Variants in NTN4 observed in about 807,000 individuals in gnomAD.
The protein encoded by NTN4 is netrin 4.
Under a neutral mutation model 73.6 loss-of-function variants are expected in NTN4, and 32 were observed. The observed-to-expected ratio is 0.44, with a 90% CI of 0.33 to 0.58. The LOEUF is 0.58. Among genes scored for constraint, NTN4 ranks in the 20% least tolerant of loss-of-function variants. The pLI is 0.04. For synonymous variants in NTN4, 258 were observed against 287.5 expected, an observed-to-expected ratio of 0.90 and a Z score of 1.04; for missense variants, 654 against 798.3, an observed-to-expected ratio of 0.82 and a Z score of 2.18.
At chr12:95,784,347 G>A (rs2079152225) in intron 2 of NTN4, among the ~76,000 whole-genome samples, 1 of 152,196 alleles carries the variant, frequency 6.6e-6, no homozygotes, top group African/African-American at 2.4e-5. Flanking sequence ...ACTCAGGAGA[G>A]AAAGATTAGT....
intron 9 of NTN4, among the ~76,000 whole-genome samples, chr12:95,660,255 T>G (rs2078126771): frequency 6.6e-6 from 1 of 152,162 alleles, no homozygotes; most frequent in Non-Finnish European, 1.5e-5. Context: ...CCTCAGGTGA[T>G]CTGCCTGCCT....
chr12:95,668,141 G>A (rs551985538), intron 8 of NTN4, among the ~76,000 whole-genome samples: 2 of 142,752 alleles, frequency 1.4e-5, no homozygotes, highest in African/African-American at 2.8e-5. Flanking sequence ...AGTAAGTCAA[G>A]TGTTTTTTTT....
intron 3 of NTN4, among the ~76,000 whole-genome samples, chr12:95,716,796 T>A (rs879091890): frequency 1.3e-5 from 2 of 152,130 alleles, no homozygotes; most frequent in South Asian, 2.1e-4. Context: ...CTCCATTTTT[T>A]AATTTTACTT....
chr12:95,754,770 C>T (rs180847717), intron 2 of NTN4, among the ~76,000 whole-genome samples: 2 of 152,120 alleles, frequency 1.3e-5, no homozygotes, highest in Non-Finnish European at 2.9e-5. Flanking sequence ...AACGGCCCCA[C>T]CCCATCTCCC....
At chr12:95,769,475 G>A (rs1006939456) in intron 2 of NTN4, among the ~76,000 whole-genome samples, 14 of 151,026 alleles carry the variant, frequency 9.3e-5, no homozygotes, top group African/African-American at 2.7e-4. Flanking sequence ...AACGACTCGC[G>A]AGTTGGGCAG....
intron 7 of NTN4, among the ~76,000 whole-genome samples, chr12:95,680,900 T>C (rs969175592): frequency 2.0e-5 from 3 of 151,522 alleles, no homozygotes; most frequent in African/African-American, 7.3e-5. Context: ...TTTAAAAGAG[T>C]ATATAACGGC....
intron 2 of NTN4, among the ~76,000 whole-genome samples, chr12:95,770,072 C>A (rs894706398): frequency 6.6e-5 from 10 of 152,080 alleles, no homozygotes; most frequent in African/African-American, 2.4e-4. Flanking sequence ...TCAATCTTGT[C>A]TACTTATTAA....
Position 95,658,921 on chromosome 12 carries a change from T to G in NTN4, c.*165A>C. 3.6e-6 allele frequency: 2 copies of G among 559,198 alleles called. No homozygotes were observed. The highest frequency in any genetic ancestry group is 6.1e-6 in the Non-Finnish European group (2 of 328,500). 34.6% of individuals were successfully genotyped at this position (559,198 alleles called of 1,614,324 possible). ...TCTCTTCATGAAATAAAACTGTATTTAAACATGGGTCCAGAAGAGATAAGT... is the reference window on the plus strand; with the variant it reads ...TCTCTTCATGAAATAAAACTGTATTGAAACATGGGTCCAGAAGAGATAAGT... On this transcript the variant is annotated 3_prime_UTR_variant, in exon 10 of 10. Transcript: ENST00000343702.
intron 2 of NTN4, among the ~76,000 whole-genome samples, chr12:95,743,875 T>C (rs1257894336): frequency 6.6e-6 from 1 of 152,192 alleles, no homozygotes; most frequent in African/African-American, 2.4e-5. Context: ...TGAAGCCCTG[T>C]TGTTGGGTAC....
At chr12:95,713,744 G>A (rs1212983274) in intron 3 of NTN4, among the ~76,000 whole-genome samples, 1 of 151,934 alleles carries the variant, frequency 6.6e-6, no homozygotes, top group Non-Finnish European at 1.5e-5. Context: ...AACATTTGGA[G>A]CATATAATTC....
At chr12:95,709,552 T>G (rs531295764) in intron 5 of NTN4, among the ~76,000 whole-genome samples, 1 of 151,552 alleles carries the variant, frequency 6.6e-6, no homozygotes, top group African/African-American at 2.4e-5. Flanking sequence ...TTTTTTTTTT[T>G]TGGAAAGGTT....
At chr12:95,767,094 TG>T (rs2079025698) in intron 2 of NTN4, among the ~76,000 whole-genome samples, 1 of 152,200 alleles carries the variant, frequency 6.6e-6, no homozygotes, top group Non-Finnish European at 1.5e-5. Context: ...CCCACAGGAT[TG>T]AGTCCAAACT....
At position 95,751,901 on chromosome 12, in the gene NTN4, CT is replaced by C. The variant is rs545646062; in HGVS notation, c.586-13758del. Among the ~76,000 whole-genome samples the C allele has an allele frequency of 1.3e-3, 181 of 135,752 alleles. 3 individuals carry two copies. Among genetic ancestry groups the C allele is most frequent in the African/African-American group, 4.3e-3 (155 of 35,722 alleles). 89.1% of individuals were successfully genotyped at this position (135,752 alleles called of 152,430 possible). A position where few individuals can be genotyped will look rare whatever the true frequency, so the allele number is the denominator to read the frequency against. On this transcript the variant is annotated intron_variant, in intron 2 of 9. Coordinates refer to ENST00000343702, the MANE Select transcript of NTN4 (RefSeq NM_021229.4). The stretch of plus-strand genomic sequence containing the variant: ...TTAGACAATACCCTTTTAAGCACTC[CT>C]TTTTAGTTATCCCCACCTGCCCAGT...
chr12:95,737,551 T>C (rs2078787371), intron 3 of NTN4, among the ~76,000 whole-genome samples: 1 of 152,222 alleles, frequency 6.6e-6, no homozygotes, highest in African/African-American at 2.4e-5. Context: ...AGCTGGCTTG[T>C]GTGTGATAAT....
chr12:95,786,645 G>A (rs1446025828), intron 2 of NTN4, among the ~76,000 whole-genome samples: 1 of 152,142 alleles, frequency 6.6e-6, no homozygotes, highest in South Asian at 2.1e-4. Flanking sequence ...AAGTAGTCCC[G>A]AGAACTGAAG....
intron 5 of NTN4, among the ~76,000 whole-genome samples, chr12:95,692,228 G>A (rs1484418277): frequency 6.6e-6 from 1 of 152,034 alleles, no homozygotes; most frequent in Non-Finnish European, 1.5e-5. Flanking sequence ...TGGAGATGGG[G>A]TTTTACCATG....
chr12:95,739,305 G>A (rs1051525959), intron 2 of NTN4, among the ~76,000 whole-genome samples: 4 of 151,986 alleles, frequency 2.6e-5, no homozygotes, highest in Non-Finnish European at 4.4e-5. Context: ...AAGAAATAAC[G>A]GATTAACCGG....
rs905985985 is a variant in NTN4 at position 95,751,642 on chromosome 12, G to A, written c.586-13498C>T. On this transcript the variant is annotated intron_variant, in intron 2 of 9. Coordinates refer to ENST00000343702, the MANE Select transcript of NTN4 (RefSeq NM_021229.4). Reference sequence around the variant, plus strand: ...CCTTCCCAGATCTTCTCGGCTTAGCGGCTGAAGACCGACACTGCCCGATCA... The same window carrying A: ...CCTTCCCAGATCTTCTCGGCTTAGCAGCTGAAGACCGACACTGCCCGATCA... Among the ~76,000 whole-genome samples the A allele has an allele frequency of 5.9e-5, 9 of 152,154 alleles. No individual in the cohort carries two copies. The East Asian group carries it at 9.7e-4, about 16-fold the overall frequency.
chr12:95,755,186 A>G (rs1266682042), intron 2 of NTN4, among the ~76,000 whole-genome samples: 1 of 152,238 alleles, frequency 6.6e-6, no homozygotes, highest in Non-Finnish European at 1.5e-5. Context: ...TTATACTTCA[A>G]TTGACTCGTG....
Sources: allele counts gnomAD v4.1 joint callset (sites outside exome capture counted in the v4.1 genomes callset), GRCh38; gene constraint gnomAD v4.1.1; transcripts MANE v1.5; gene names NCBI Gene and HGNC (gene_info 2026-07-23, HGNC 2026-07-21).